The following RANBP3L variants were observed in gnomAD, a reference collection of about 807,000 sequenced individuals.
The protein encoded by RANBP3L is ran-binding protein 3-like.
A neutral mutation model predicts 67.2 loss-of-function variants in RANBP3L; 56 were observed. That is an observed-to-expected ratio of 0.83 (90% confidence interval 0.67 to 1.04). The LOEUF (loss-of-function observed/expected upper bound fraction) is 1.04. Among genes scored for constraint, RANBP3L ranks in the 50% least tolerant of loss-of-function variants. RANBP3L has a pLI of 0.00. For synonymous variants in RANBP3L, 164 were observed against 181.4 expected (o/e 0.90, Z 0.77); for missense variants, 496 against 535.5 (o/e 0.93, Z 0.73).
At chr5:36,261,560 T>G (rs1749388431) in intron 7 of RANBP3L, among the ~76,000 whole-genome samples, 1 of 152,152 alleles carries the variant, frequency 6.6e-6, no homozygotes, top group Admixed American at 6.5e-5. Flanking sequence ...CTTTCCTTGT[T>G]GCTTATCTAA....
chr5:36,255,372 A>C, intron 11 of RANBP3L, 98 bp downstream of exon 11: 4 of 1,194,388 alleles, frequency 3.3e-6, no homozygotes, highest in Middle Eastern at 4.1e-4. Flanking sequence ...GGTGTATTTT[A>C]TAGCACATCT....
chr5:36,271,525 A>G (rs978312411), intron 1 of RANBP3L, among the ~76,000 whole-genome samples: 1 of 152,340 alleles, frequency 6.6e-6, no homozygotes, highest in South Asian at 2.1e-4. Flanking sequence ...TGATAGCAGT[A>G]TGTTTCCATA....
At position 36,247,478 on chromosome 5, in the gene RANBP3L, G is replaced by A. The variant is rs189655094; in HGVS notation, c.*2176C>T. On this transcript the variant is annotated 3_prime_UTR_variant, in exon 14 of 14. Transcript: ENST00000296604. ...GTTAATTTTTTCCATTGATATATGC[G>A]GAGAAATCTAAAGAAAATCATAGAA... Among the ~76,000 whole-genome samples, 180 of 152,208 alleles carry A rather than the reference G, an allele frequency of 1.2e-3. No homozygotes were observed. Among genetic ancestry groups the A allele is most frequent in the African/African-American group, 4.0e-3 (168 of 41,528 alleles).
rs768491539 is a variant in RANBP3L, at chr5:36,251,512, C to T, written c.1168-13G>A. 9.6e-6 allele frequency: 15 copies of T among 1,558,276 alleles called. No individual in the cohort carries two copies. The Middle Eastern group carries it at 5.1e-4, about 53-fold the overall frequency. On this transcript the variant is annotated splice_polypyrimidine_tract_variant and intron_variant, in intron 12 of 13. Transcript: ENST00000296604. ...CTTGGGCACTGGCCTGCATGAGGAA[C>T]ATTAAATTGTTAAGAAAATCATTAA...
intron 1 of RANBP3L, among the ~76,000 whole-genome samples, chr5:36,292,742 T>C (rs894451394): frequency 1.4e-4 from 22 of 152,232 alleles, no homozygotes; most frequent in African/African-American, 5.3e-4. Flanking sequence ...AGGGCTCTGT[T>C]CTGTTCCATT....
intron 4 of RANBP3L, 123 bp downstream of exon 4, chr5:36,269,267 A>G (rs1037409500): frequency 1.2e-5 from 8 of 646,474 alleles, no homozygotes; most frequent in Non-Finnish European, 2.2e-5. Context: ...TTCACGTAAC[A>G]ATATATTATA....
At chr5:36,268,507 G>T (rs1043922038) in intron 4 of RANBP3L, among the ~76,000 whole-genome samples, 1 of 152,064 alleles carries the variant, frequency 6.6e-6, no homozygotes, top group Admixed American at 6.5e-5. Context: ...CCATGAAGAT[G>T]ACCTCGAGGA....
Position 36,260,779 on chromosome 5 carries a change from C to A in RANBP3L, c.669+1G>T. On this transcript the variant is annotated splice_donor_variant, in intron 8 of 13. Transcript: ENST00000296604. LOFTEE classifies it high-confidence loss of function. ...AATAGAAACATATACCAAAATCTTA[C>A]CAAAACTCTTTCTACCATGTTTTCT... 6.9e-7 allele frequency: 1 copy of A among 1,457,756 alleles called. No individual in the cohort carries two copies. Among genetic ancestry groups the A allele is most frequent in the Non-Finnish European group, 9.6e-7 (1 of 1,045,678 alleles). 90.3% of individuals were successfully genotyped at this position (1,457,756 alleles called of 1,614,324 possible). A position where few individuals can be genotyped will look rare whatever the true frequency, so the allele number is the denominator to read the frequency against.
chr5:36,292,533 G>A (rs1487573437), intron 1 of RANBP3L, among the ~76,000 whole-genome samples: 2 of 152,216 alleles, frequency 1.3e-5, no homozygotes, highest in East Asian at 1.9e-4. Flanking sequence ...TATGGTTTTA[G>A]GTCTAACATT....
At chr5:36,291,226 C>A (rs1751731614) in intron 1 of RANBP3L, among the ~76,000 whole-genome samples, 1 of 151,974 alleles carries the variant, frequency 6.6e-6, no homozygotes, top group Admixed American at 6.6e-5. Context: ...TCCTTTCTGC[C>A]CCAAAACCCT....
At chr5:36,279,274 C>T (rs2111991837) in intron 1 of RANBP3L, among the ~76,000 whole-genome samples, 1 of 152,190 alleles carries the variant, frequency 6.6e-6, no homozygotes, top group Non-Finnish European at 1.5e-5. Context: ...TGCCAATTCA[C>T]AAAGGAACCA....
intron 12 of RANBP3L, 25 bp from the exon 13 acceptor site, chr5:36,251,524 A>G: frequency 6.5e-7 from 1 of 1,544,294 alleles, no homozygotes; most frequent in Non-Finnish European, 8.8e-7. Flanking sequence ...TTAAATTGTT[A>G]AGAAAATCAT....
At chr5:36,275,197 G>A (rs1750485955) in intron 1 of RANBP3L, among the ~76,000 whole-genome samples, 1 of 152,128 alleles carries the variant, frequency 6.6e-6, no homozygotes, top group African/African-American at 2.4e-5. Context: ...CTCCACAAGG[G>A]AGGTACACTG....
At chr5:36,290,699 A>G (rs1419026106) in intron 1 of RANBP3L, among the ~76,000 whole-genome samples, 2 of 145,342 alleles carry the variant, frequency 1.4e-5, no homozygotes, top group Non-Finnish European at 3.0e-5. Flanking sequence ...CAAAAGTGTA[A>G]TTAGGGATGG....
intron 1 of RANBP3L, among the ~76,000 whole-genome samples, chr5:36,274,724 A>C (rs776443237): frequency 3.9e-5 from 6 of 151,974 alleles, no homozygotes; most frequent in Non-Finnish European, 7.4e-5. Context: ...TTTGATATGC[A>C]TTTTTTCTTT....
At chr5:36,261,651 T>C (rs1201637797) in intron 7 of RANBP3L, among the ~76,000 whole-genome samples, 1 of 152,184 alleles carries the variant, frequency 6.6e-6, no homozygotes, top group Non-Finnish European at 1.5e-5. Context: ...AATCTACTAA[T>C]CAGATAATTT....
rs771032968 is a variant in RANBP3L at position 36,253,717 on chromosome 5, G to T, written c.1097C>A (p.Ala366Glu). The T allele has an allele frequency of 1.1e-5, 17 of 1,612,470 alleles. No homozygotes were observed. The East Asian group carries it at 3.3e-4, about 32-fold the overall frequency. The change falls in exon 12 of 14, where the codon GCA (alanine) becomes GAA (glutamate). Residue 366 changes from alanine to glutamate, a missense_variant. Transcript: ENST00000296604. ...TGTTATTCGTACATTTTTGTGGTTT[G>T]CTCTTTGAATCTTCATTTGGGCCCA... ...KLWAQMKIQR[A>E]NHKNVRITAT...
intron 4 of RANBP3L, chr5:36,268,223 T>C (rs1749948467): frequency 2.6e-6 from 4 of 1,540,554 alleles, no homozygotes; most frequent in South Asian, 2.4e-5. Context: ...GTTGGGAGGT[T>C]AGTGACGGAT....
At chr5:36,250,462 G>A (rs752524126) in intron 13 of RANBP3L, among the ~76,000 whole-genome samples, 92 of 151,872 alleles carry the variant, frequency 6.1e-4, no homozygotes, top group Middle Eastern at 3.4e-3. Context: ...AGTTATGTAC[G>A]TTCTTTGATA....
Sources: gnomAD v4.1 joint callset for allele counts (sites outside exome capture counted in the v4.1 genomes callset) on GRCh38, gnomAD v4.1.1 for gene constraint, MANE v1.5 for transcripts, NCBI Gene and HGNC (gene_info 2026-07-23, HGNC 2026-07-21) for gene names.